REV3L: variants seen among roughly 807,000 people sequenced by gnomAD.
REV3L encodes the protein DNA polymerase zeta catalytic subunit.
In REV3L, 69 loss-of-function variants were observed where a neutral mutation model predicts 299.4. That is an observed-to-expected ratio of 0.23 (90% confidence interval 0.19 to 0.28). The LOEUF (loss-of-function observed/expected upper bound fraction) is 0.28, where lower values mean the gene tolerates loss of function less well. REV3L is among the 10% of genes least tolerant of loss of function. The pLI is 1.00. For synonymous variants in REV3L, 1,238 were observed against 1,271.4 expected (o/e 0.97, Z 0.56); for missense variants, 3,128 against 3,693.8 (o/e 0.85, Z 3.97).
chr6:111,321,948 AT>A (rs1468484423), intron 26 of REV3L, among the ~76,000 whole-genome samples: 1 of 63,574 alleles, frequency 1.6e-5, no homozygotes, highest in Non-Finnish European at 4.0e-5. Flanking sequence ...AACCTGAAAA[AT>A]ATCACAGCAA....
At chr6:111,473,280 C>CA (rs1305246551) in intron 1 of REV3L, among the ~76,000 whole-genome samples, 5 of 150,752 alleles carry the variant, frequency 3.3e-5, no homozygotes, top group Non-Finnish European at 7.4e-5. Context: ...AGACTGGTCT[C>CA]AAAATCCTGG....
chr6:111,448,800 T>TC (rs1789160572), intron 1 of REV3L, among the ~76,000 whole-genome samples: 2 of 151,002 alleles, frequency 1.3e-5, no homozygotes, highest in Admixed American at 6.6e-5. Context: ...TTTTTTTTTT[T>TC]TTCAATTTTT....
At chr6:111,363,391 G>A (rs1778892875) in intron 16 of REV3L, among the ~76,000 whole-genome samples, 1 of 151,806 alleles carries the variant, frequency 6.6e-6, no homozygotes, top group African/African-American at 2.4e-5. Context: ...CTGCACCCTC[G>A]AACTCCCAGG....
At chr6:111,338,312 C>CTTTTTTTTTTTTTTTTTT (rs144497761) in intron 21 of REV3L, among the ~76,000 whole-genome samples, 3 of 47,938 alleles carry the variant, frequency 6.3e-5, no homozygotes, top group African/African-American at 1.3e-4. Flanking sequence ...GTCTAAAGTC[C>CTTTTTTTTTTTTTTTTTT]TTTTTTTTTT....
chr6:111,318,775 G>T (rs462063), intron 26 of REV3L, among the ~76,000 whole-genome samples: 4 of 151,818 alleles, frequency 2.6e-5, no homozygotes, highest in Non-Finnish European at 5.9e-5. Flanking sequence ...TCTCCATGTT[G>T]GTCAGGCTGG....
intron 5 of REV3L, 54 bp downstream of exon 5, chr6:111,392,822 G>T: frequency 8.9e-7 from 1 of 1,128,720 alleles, no homozygotes; most frequent in South Asian, 1.3e-5. Flanking sequence ...ACTGATTTCT[G>T]ATCACAACTA....
chr6:111,450,506 A>AAC (rs1789398394), intron 1 of REV3L, among the ~76,000 whole-genome samples: 1 of 135,756 alleles, frequency 7.4e-6, no homozygotes, highest in African/African-American at 2.6e-5. Context: ...AAAAAAAAAA[A>AAC]CCAAAAAACA....
At position 111,309,616 on chromosome 6, in the gene REV3L, G is replaced by C. The variant is rs903220161; in HGVS notation, c.9042+237C>G. 11 of 368,666 alleles carry C rather than the reference G, an allele frequency of 3.0e-5. No homozygotes were observed. In the Admixed American group the frequency reaches 4.2e-4, roughly 14 times the overall value. 22.8% of individuals were successfully genotyped at this position (368,666 alleles called of 1,614,324 possible). On this transcript the variant is annotated intron_variant, in intron 30 of 31. Coordinates refer to ENST00000368802, the MANE Select transcript of REV3L (RefSeq NM_001372078.1). ...GTGGTCTTGGAAAATGGTAACATTT[G>C]GGCATGAAAGCAGGAGTGCCTATCC...
chr6:111,366,492 A>G (rs568572840), intron 14 of REV3L, among the ~76,000 whole-genome samples: 2 of 152,288 alleles, frequency 1.3e-5, no homozygotes, highest in East Asian at 3.9e-4. Context: ...AGTGGGAAAA[A>G]AACAGAGAAG....
intron 1 of REV3L, among the ~76,000 whole-genome samples, chr6:111,464,783 C>T (rs1201535001): frequency 6.6e-6 from 1 of 152,146 alleles, no homozygotes; most frequent in Non-Finnish European, 1.5e-5. Context: ...AGGTGGACTT[C>T]CTGAGCTCAG....
intron 21 of REV3L, among the ~76,000 whole-genome samples, chr6:111,343,028 T>A (rs190235115): frequency 6.6e-6 from 1 of 152,166 alleles, no homozygotes; most frequent in African/African-American, 2.4e-5. Flanking sequence ...GAAAACAGAT[T>A]AAGTTTCTTA....
chr6:111,320,358 G>T (rs534265938), intron 26 of REV3L, among the ~76,000 whole-genome samples: 2 of 152,094 alleles, frequency 1.3e-5, no homozygotes, highest in Admixed American at 1.3e-4. Context: ...GAGCCACTGC[G>T]CCCAGCCAGG....
intron 1 of REV3L, among the ~76,000 whole-genome samples, chr6:111,426,339 G>A (rs1000662551): frequency 6.6e-6 from 1 of 152,108 alleles, no homozygotes; most frequent in African/African-American, 2.4e-5. Flanking sequence ...AAATTTGATG[G>A]ATTTAAATCT....
chr6:111,299,294 A>T lies in REV3L; in HGVS notation c.*722T>A, dbSNP rs748536710. 6.6e-6 allele frequency: 1 copy of T among 152,594 alleles called. No homozygotes were observed. Among genetic ancestry groups the T allele is most frequent in the Non-Finnish European group, 1.5e-5 (1 of 68,012 alleles). The allele number at this position is 152,594 out of a possible 1,614,324, so 9.5% of individuals were successfully genotyped here. On this transcript the variant is annotated 3_prime_UTR_variant, in exon 32 of 32. Coordinates refer to ENST00000368802, the MANE Select transcript of REV3L (RefSeq NM_001372078.1). The stretch of plus-strand genomic sequence containing the variant: ...ATACAAAACAAGCAAATGGAATAAA[A>T]TTTTTTATTTTTAAAGTATTGCAAC...
chr6:111,482,960 T>TCCGCAGCGGCGGCGGCGCCCCCTCCCC lies in REV3L; in HGVS notation c.-99_-73dup, dbSNP rs1194393949. ...GGCAGCAGCAGCGGCGGCGGCTCCC[T>TCCGCAGCGGCGGCGGCGCCCCCTCCCC]CCGCAGCGGCGGCGGCGCCCCCTCC... is the stretch of plus-strand genomic sequence containing the variant. On this transcript the variant is annotated 5_prime_UTR_variant, in exon 1 of 32. Transcript: ENST00000368802. The TCCGCAGCGGCGGCGGCGCCCCCTCCCC allele has an allele frequency of 2.9e-5, 42 of 1,431,718 alleles. 1 individual carries two copies. The African/African-American group carries it at 5.9e-4, about 20-fold the overall frequency. 88.7% of individuals were successfully genotyped at this position (1,431,718 alleles called of 1,614,324 possible).
intron 13 of REV3L, among the ~76,000 whole-genome samples, chr6:111,372,047 A>G (rs1779854912): frequency 1.3e-5 from 2 of 152,220 alleles, no homozygotes; most frequent in Non-Finnish European, 2.9e-5. Context: ...ATTTGCTAAT[A>G]ACTGCATAAA....
rs576210112 is a variant in REV3L at position 111,386,952 on chromosome 6, C to A, written c.1096+813G>T. 5.9e-5 allele frequency among the ~76,000 whole-genome samples: 9 copies of A among 152,198 alleles called. No individual in the cohort carries two copies. In the East Asian group the frequency reaches 1.7e-3, roughly 29 times the overall value. ...GGCCAGGCTGGTTGCCAACTCCTGA[C>A]CTCAGGTGATCCGCCTGCTTCAGCC... On this transcript the variant is annotated intron_variant, in intron 9 of 31. Transcript: ENST00000368802.
intron 9 of REV3L, among the ~76,000 whole-genome samples, chr6:111,385,644 A>G (rs1163761915): frequency 6.6e-6 from 1 of 152,132 alleles, no homozygotes; most frequent in African/African-American, 2.4e-5. Flanking sequence ...AATGGGGGGA[A>G]AAGAAGTTAA....
chr6:111,314,849 CTTT>C (rs398066168), intron 27 of REV3L, among the ~76,000 whole-genome samples: 11 of 132,568 alleles, frequency 8.3e-5, no homozygotes, highest in Non-Finnish European at 1.1e-4. Context: ...TATTTAAATA[CTTT>C]TTTTTTTTTT....
Sources: allele counts gnomAD v4.1 joint callset (sites outside exome capture counted in the v4.1 genomes callset), GRCh38; gene constraint gnomAD v4.1.1; transcripts MANE v1.5; gene names NCBI Gene and HGNC (gene_info 2026-07-23, HGNC 2026-07-21).